SHLD2: variants seen among roughly 807,000 people sequenced by gnomAD.
SHLD2 encodes RINN1-REV7-interacting novel NHEJ regulator 2.
In SHLD2, 30 loss-of-function variants were observed where a neutral mutation model predicts 73.2. That is an observed-to-expected ratio of 0.41 (90% CI 0.31 to 0.56). The LOEUF is 0.56. Among genes scored for constraint, SHLD2 ranks in the 20% least tolerant of loss-of-function variants. The pLI is 0.28. For missense variants in SHLD2, 745 were observed against 1,055.9 expected (o/e 0.71, Z 4.08); for synonymous variants, 285 against 370.1 (o/e 0.77, Z 2.64).
chr10:87,122,188 A>AG (rs899789731), intron 2 of SHLD2, among the ~76,000 whole-genome samples: 2 of 150,872 alleles, frequency 1.3e-5, no homozygotes, highest in African/African-American at 4.9e-5. Flanking sequence ...AAAAAAAAAA[A>AG]AAAAAAGGCT....
chr10:87,133,528 A>C (rs1844582786), intron 2 of SHLD2, among the ~76,000 whole-genome samples: 1 of 152,234 alleles, frequency 6.6e-6, no homozygotes, highest in Non-Finnish European at 1.5e-5. Context: ...ATGAGTAATA[A>C]TTAGCAAGTA....
intron 2 of SHLD2, among the ~76,000 whole-genome samples, chr10:87,147,075 A>G (rs1176689429): frequency 7.2e-6 from 1 of 138,094 alleles, no homozygotes; most frequent in Non-Finnish European, 1.5e-5. Context: ...AAAAAAAGAA[A>G]AAAAAAAAAA....
intron 2 of SHLD2, among the ~76,000 whole-genome samples, chr10:87,134,700 G>T (rs914266912): frequency 1.3e-5 from 2 of 152,204 alleles, no homozygotes; most frequent in Admixed American, 6.5e-5. Flanking sequence ...GGCACTCCAG[G>T]CTTTCAGTTC....
At chr10:87,130,420 A>T (rs1304226398) in intron 2 of SHLD2, among the ~76,000 whole-genome samples, 1 of 150,848 alleles carries the variant, frequency 6.6e-6, no homozygotes. Context: ...GTTTTCATTA[A>T]GCCTCCCCCG....
intron 2 of SHLD2, among the ~76,000 whole-genome samples, chr10:87,147,766 G>A (rs1391800735): frequency 5.9e-5 from 9 of 152,020 alleles, no homozygotes; most frequent in Non-Finnish European, 1.2e-4. Flanking sequence ...AAGAGCCTAC[G>A]AAAAATGCAG....
In SHLD2 at chr10:87,102,115, G is replaced by T. The variant is rs111278719; in HGVS notation, c.-6+5126G>T. Among the ~76,000 whole-genome samples, 458 of 152,102 alleles carry T rather than the reference G, an allele frequency of 3.0e-3. 3 individuals are homozygous for T. The highest frequency in any genetic ancestry group is 0.011 in the African/African-American group (441 of 41,476). ...TTGCATAGTATTTTATTGCATGGAC[G>T]CACCATAATTACTTTTACCAATCTC... On this transcript the variant is annotated intron_variant, in intron 2 of 9. Transcript: ENST00000298786.
At chr10:87,162,097 A>G (rs563512217) in intron 4 of SHLD2, among the ~76,000 whole-genome samples, 31 of 152,118 alleles carry the variant, frequency 2.0e-4, no homozygotes, top group South Asian at 6.2e-4. Context: ...ATATCTCACA[A>G]CAAACAGTAA....
intron 7 of SHLD2, among the ~76,000 whole-genome samples, chr10:87,179,124 T>C (rs1848140792): frequency 6.6e-6 from 1 of 152,198 alleles, no homozygotes; most frequent in Non-Finnish European, 1.5e-5. Flanking sequence ...CAGTACACAG[T>C]AAGACGAAAG....
intron 2 of SHLD2, among the ~76,000 whole-genome samples, chr10:87,105,252 C>T (rs1295913304): frequency 6.6e-6 from 1 of 152,106 alleles, no homozygotes. Flanking sequence ...AAAATTGGGG[C>T]ACATCTATAA....
intron 2 of SHLD2, among the ~76,000 whole-genome samples, chr10:87,102,021 T>G (rs1842298712): frequency 6.6e-6 from 1 of 151,992 alleles, no homozygotes; most frequent in Non-Finnish European, 1.5e-5. Context: ...TAGTTTTTCT[T>G]TTTTTGTTTC....
chr10:87,132,856 A>G (rs1229562372), intron 2 of SHLD2, among the ~76,000 whole-genome samples: 3 of 152,220 alleles, frequency 2.0e-5, no homozygotes, highest in Non-Finnish European at 2.9e-5. Flanking sequence ...AATATTTGAG[A>G]TAATAATTGT....
chr10:87,166,355 T>A (rs1847201100), intron 4 of SHLD2, among the ~76,000 whole-genome samples: 1 of 148,674 alleles, frequency 6.7e-6, no homozygotes, highest in Non-Finnish European at 1.5e-5. Flanking sequence ...ATTTCTAGAG[T>A]GACTAACAAT....
intron 2 of SHLD2, among the ~76,000 whole-genome samples, chr10:87,124,767 A>G (rs910046731): frequency 3.5e-5 from 5 of 144,066 alleles, no homozygotes; most frequent in East Asian, 2.0e-4. Context: ...TTTTTTTGAG[A>G]CAGAATCTTG....
intron 2 of SHLD2, among the ~76,000 whole-genome samples, chr10:87,111,512 G>A (rs571626344): frequency 4.1e-4 from 62 of 151,908 alleles, no homozygotes; most frequent in Admixed American, 3.8e-3. Flanking sequence ...ATGGTGGCAC[G>A]CGCCTGTAAT....
chr10:87,117,522 G>A (rs1843328068), intron 2 of SHLD2, among the ~76,000 whole-genome samples: 2 of 152,190 alleles, frequency 1.3e-5, no homozygotes, highest in African/African-American at 4.8e-5. Flanking sequence ...GGCTGGGCGT[G>A]GTGGCTCACG....
At chr10:87,181,994 C>T (rs1297333452) in intron 8 of SHLD2, among the ~76,000 whole-genome samples, 1 of 152,062 alleles carries the variant, frequency 6.6e-6, no homozygotes, top group Admixed American at 6.6e-5. Context: ...TCTCGAACTC[C>T]TGACCTCAGG....
chr10:87,152,359 A>T lies in SHLD2; in HGVS notation c.1005A>T (p.Glu335Asp). ...TAAACTCTGATAAAGGTCTTGAAGA[A>T]CATACAGGATCTCAAGAACTTTTCA... ...IHINSDKGLE[E>D]HTGSQELFSS... The change falls in exon 3 of 10, where the codon GAA becomes GAT. Residue 335 changes from glutamate to aspartate, a missense_variant. By Grantham distance (45) the Glu-to-Asp change is conservative. This residue lies in a region of SHLD2 where 26 missense variants were observed against 86.4 expected (regional missense o/e 0.30). Coordinates refer to ENST00000298786, the MANE Select transcript of SHLD2 (RefSeq NM_001330112.2). 1 of 1,484,992 alleles carries T rather than the reference A, an allele frequency of 6.7e-7. No individual in the cohort carries two copies. The allele number at this position is 1,484,992 out of a possible 1,614,324, so 92.0% of individuals were successfully genotyped here. A position where few individuals can be genotyped will look rare whatever the true frequency, so the allele number is the denominator to read the frequency against.
At chr10:87,168,350 A>G (rs1350018405) in intron 4 of SHLD2, among the ~76,000 whole-genome samples, 1 of 152,192 alleles carries the variant, frequency 6.6e-6, no homozygotes, top group Non-Finnish European at 1.5e-5. Flanking sequence ...TAATTCCCAC[A>G]CTTTGACAGG....
At chr10:87,122,771 T>C (rs1396411756) in intron 2 of SHLD2, among the ~76,000 whole-genome samples, 1 of 152,200 alleles carries the variant, frequency 6.6e-6, no homozygotes, top group Non-Finnish European at 1.5e-5. Context: ...TTTATTTATT[T>C]TTGTTTATTT....
Sources: allele counts gnomAD v4.1 joint callset (sites outside exome capture counted in the v4.1 genomes callset), GRCh38; gene constraint gnomAD v4.1.1; regional missense constraint gnomAD v4.1.1; transcripts MANE v1.5; gene names NCBI Gene and HGNC (gene_info 2026-07-23, HGNC 2026-07-21).